Variants in ASTN2 observed in about 807,000 individuals in gnomAD.
ASTN2 encodes the protein astrotactin 2, also known as astrotactin-2.
In ASTN2, 54 loss-of-function variants were observed where a neutral mutation model predicts 139.8. The ratio of observed to expected loss-of-function variants is 0.39; its 90% CI spans 0.31 to 0.48. The LOEUF (loss-of-function observed/expected upper bound fraction) is 0.48, where lower values mean the gene tolerates loss of function less well. ASTN2 is among the 20% of genes least tolerant of loss of function. The pLI, the probability that ASTN2 is intolerant of heterozygous loss-of-function variation, is 0.95. For synonymous variants in ASTN2, 756 were observed against 719.5 expected, an observed-to-expected ratio of 1.05 and a Z score of -0.81; for missense variants, 1,565 against 1,725.1, an observed-to-expected ratio of 0.91 and a Z score of 1.64.
At chr9:116,600,897 C>G (rs1041465638) in intron 19 of ASTN2, among the ~76,000 whole-genome samples, 1 of 152,058 alleles carries the variant, frequency 6.6e-6, no homozygotes, top group Non-Finnish European at 1.5e-5. Context: ...CCTGTTCACA[C>G]TTCAGGTATT....
rs570779349 is a variant in ASTN2 at position 117,156,628 on chromosome 9, C to A, written c.1016-15150G>T. 2.6e-5 allele frequency among the ~76,000 whole-genome samples: 4 copies of A among 152,062 alleles called. No individual in the cohort carries two copies. The East Asian group carries it at 7.8e-4, about 30-fold the overall frequency. On this transcript the variant is annotated intron_variant, in intron 3 of 22. Coordinates refer to ENST00000313400, the MANE Select transcript of ASTN2 (RefSeq NM_001365068.1). Reference sequence around the variant, plus strand: ...TGAATCTACATCTAGAGATTCCTAACTAAGGAAAGAAGACCATGAAGAGGT... The same window carrying A: ...TGAATCTACATCTAGAGATTCCTAAATAAGGAAAGAAGACCATGAAGAGGT...
At chr9:116,871,570 C>G (rs1833167715) in intron 10 of ASTN2, among the ~76,000 whole-genome samples, 1 of 152,152 alleles carries the variant, frequency 6.6e-6, no homozygotes, top group Non-Finnish European at 1.5e-5. Flanking sequence ...CATTATGTAG[C>G]CTTTTGTGAC....
chr9:117,106,376 T>C (rs1292811246), intron 4 of ASTN2, among the ~76,000 whole-genome samples: 3 of 151,986 alleles, frequency 2.0e-5, no homozygotes, highest in Admixed American at 6.6e-5. Context: ...TTTGTATTTT[T>C]AATAGAGACG....
chr9:117,200,808 T>C lies in ASTN2; in HGVS notation c.1015+13550A>G, dbSNP rs186482734. ...TTTGCATCGATGTTCATCAGGGATA[T>C]TGGCCTGAAGTTTTCTTTCTTTGTT... On this transcript the variant is annotated intron_variant, in intron 3 of 22. Coordinates refer to ENST00000313400, the MANE Select transcript of ASTN2 (RefSeq NM_001365068.1). 3.4e-3 allele frequency among the ~76,000 whole-genome samples: 521 copies of C among 152,302 alleles called. 5 individuals are homozygous for C. The highest frequency in any genetic ancestry group is 0.011 in the African/African-American group (473 of 41,570).
Position 117,096,076 on chromosome 9 carries a change from G to C in ASTN2, c.1244C>G (p.Thr415Arg). ...ADDETQLTFY[T>R]EQYRSRRRSK... ...GCGGCGGCGACTGCGGTACTGCTCC[G>C]TGTAGAATGTCAGCTGAGTTTCATC... The change falls in exon 5 of 23, where the codon ACG (threonine) becomes AGG (arginine). Residue 415 changes from threonine (T) to arginine (R), a missense_variant. Thr to Arg is a moderately conservative substitution (Grantham distance 71). Around this residue, in one of 4 missense-constraint regions of ASTN2, gnomAD observed 596 missense variants for 576.8 expected, o/e 1.03. Coordinates refer to ENST00000313400, the MANE Select transcript of ASTN2 (RefSeq NM_001365068.1). 1.2e-6 allele frequency: 2 copies of C among 1,614,042 alleles called. No individual in the cohort carries two copies. The highest frequency in any genetic ancestry group is 1.7e-6 in the Non-Finnish European group (2 of 1,179,958).
intron 7 of ASTN2, 118 bp from the exon 8 acceptor site, chr9:116,976,903 T>C: frequency 2.5e-6 from 2 of 798,292 alleles, no homozygotes; most frequent in Non-Finnish European, 4.1e-6. Context: ...AAAAGGCACA[T>C]GGAAAGAGGG....
chr9:116,579,089 C>T (rs1853846700), intron 19 of ASTN2: 1 of 152,106 alleles, frequency 6.6e-6, no homozygotes, highest in Admixed American at 6.5e-5. Flanking sequence ...AAACCACAGC[C>T]TCCAAGTATT....
intron 10 of ASTN2, among the ~76,000 whole-genome samples, chr9:116,953,406 TGA>T (rs1261357874): frequency 1.3e-5 from 2 of 152,202 alleles, no homozygotes; most frequent in Non-Finnish European, 2.9e-5. Context: ...GCCAATTTCC[TGA>T]GAGTTCTGCA....
chr9:116,772,225 C>T (rs946972486), intron 13 of ASTN2, among the ~76,000 whole-genome samples: 1 of 152,186 alleles, frequency 6.6e-6, no homozygotes, highest in African/African-American at 2.4e-5. Flanking sequence ...ATAATCCCCA[C>T]ATGTCACGGG....
At chr9:116,697,659 T>C in intron 16 of ASTN2, 2 of 1,555,034 alleles carry the variant, frequency 1.3e-6, no homozygotes, top group Non-Finnish European at 1.8e-6. Context: ...TTTTTCTCTT[T>C]AGCAGGAATT....
chr9:116,948,338 G>A (rs1171193315), intron 10 of ASTN2, among the ~76,000 whole-genome samples: 2 of 152,130 alleles, frequency 1.3e-5, no homozygotes, highest in East Asian at 1.9e-4. Flanking sequence ...GTGGTTTCTT[G>A]TTTACTGACT....
intron 17 of ASTN2, among the ~76,000 whole-genome samples, chr9:116,630,189 T>C (rs1856675593): frequency 6.6e-6 from 1 of 152,194 alleles, no homozygotes; most frequent in African/African-American, 2.4e-5. Flanking sequence ...AGGATGAGAC[T>C]GAGGCCCCAG....
At chr9:117,209,725 T>C (rs1477732521) in intron 3 of ASTN2, among the ~76,000 whole-genome samples, 1 of 152,086 alleles carries the variant, frequency 6.6e-6, no homozygotes, top group Non-Finnish European at 1.5e-5. Flanking sequence ...AATTACATAA[T>C]ATTTCACCCA....
At chr9:116,832,810 TCTTA>T (rs1445822603) in intron 11 of ASTN2, among the ~76,000 whole-genome samples, 2 of 152,212 alleles carry the variant, frequency 1.3e-5, no homozygotes, top group African/African-American at 2.4e-5. Flanking sequence ...GGGCTATTGG[TCTTA>T]CTTTGTAGTT....
rs545300417 is a variant in ASTN2, at chr9:116,710,110, C to T, written c.2806+15661G>A. On this transcript the variant is annotated intron_variant, in intron 16 of 22. Transcript: ENST00000313400. ...GCCTAGGTAGGCCTACCTTTGGTGC[C>T]AGAGGGAAGCTCAATCCATGCAAGC... Among the ~76,000 whole-genome samples, 7 of 152,260 alleles carry T rather than the reference C, an allele frequency of 4.6e-5. No homozygotes were observed. The East Asian group carries it at 1.4e-3, about 29-fold the overall frequency.
At chr9:117,181,298 T>C (rs190901919) in intron 3 of ASTN2, 6 of 425,780 alleles carry the variant, frequency 1.4e-5, no homozygotes, top group East Asian at 9.4e-5. Context: ...CCCAGAGATG[T>C]CAAATAACTT....
At chr9:116,487,208 G>T (rs192674467) in intron 20 of ASTN2, 151 bp downstream of exon 20, 59 of 1,001,486 alleles carry the variant, frequency 5.9e-5, no homozygotes, top group Non-Finnish European at 7.8e-5. Flanking sequence ...CTTCTCAAAT[G>T]GACACTTCTA....
intron 15 of ASTN2, among the ~76,000 whole-genome samples, chr9:116,728,399 A>G (rs898773077): frequency 1.3e-5 from 2 of 152,234 alleles, no homozygotes; most frequent in South Asian, 2.1e-4. Context: ...AAAGAGGTCC[A>G]GGCAGAGGGA....
At chr9:116,451,484 GGAGCTCACAGAA>G (rs1182253385) in intron 20 of ASTN2, among the ~76,000 whole-genome samples, 1 of 151,976 alleles carries the variant, frequency 6.6e-6, no homozygotes, top group Non-Finnish European at 1.5e-5. Context: ...TTGCTGTCAT[GGAGCTCACAGAA>G]GAGCAGAGAG....
Sources: gnomAD v4.1 joint callset for allele counts (sites outside exome capture counted in the v4.1 genomes callset) on GRCh38, gnomAD v4.1.1 for gene constraint, gnomAD v4.1.1 regional missense constraint, MANE v1.5 for transcripts, NCBI Gene and HGNC (gene_info 2026-07-23, HGNC 2026-07-21) for gene names.